The following PTPRQ variants were observed in gnomAD, a reference collection of about 807,000 sequenced individuals.
PTPRQ encodes the protein phosphatidylinositol phosphatase PTPRQ.
A neutral mutation model predicts 246.0 loss-of-function variants in PTPRQ; 199 were observed. The ratio of observed to expected loss-of-function variants is 0.81; its 90% CI spans 0.72 to 0.91. PTPRQ has a LOEUF of 0.91. PTPRQ is among the 40% of genes least tolerant of loss of function. The probability of loss-of-function intolerance (pLI) is 0.00; values close to 1 mark genes in which losing one functional copy is unlikely to be tolerated. For synonymous variants in PTPRQ, 869 were observed against 853.2 expected, an observed-to-expected ratio of 1.02 and a Z score of -0.32; for missense variants, 2,624 against 2,528.4, an observed-to-expected ratio of 1.04 and a Z score of -0.81.
chr12:80,537,410 T>A (rs1292075134), intron 19 of PTPRQ, among the ~76,000 whole-genome samples: 2 of 152,176 alleles, frequency 1.3e-5, no homozygotes, highest in Non-Finnish European at 2.9e-5. Flanking sequence ...CTATTACCGA[T>A]AACTGTTGCT....
chr12:80,647,493 C>T (rs1265334188), intron 35 of PTPRQ, among the ~76,000 whole-genome samples: 1 of 152,056 alleles, frequency 6.6e-6, no homozygotes, highest in Non-Finnish European at 1.5e-5. Context: ...TGGATGTAGC[C>T]TGTAGTTTAT....
chr12:80,474,240 A>G (rs1445586726), intron 8 of PTPRQ, among the ~76,000 whole-genome samples: 1 of 152,254 alleles, frequency 6.6e-6, no homozygotes, highest in African/African-American at 2.4e-5. Flanking sequence ...CTTTTCATTA[A>G]TACAACAGGG....
intron 8 of PTPRQ, among the ~76,000 whole-genome samples, chr12:80,479,639 G>C (rs11519744): frequency 7.7e-6 from 1 of 129,248 alleles, no homozygotes; most frequent in African/African-American, 3.0e-5. Flanking sequence ...CCCATCTCAC[G>C]TGCAGAGACA....
chr12:80,669,920 T>C (rs1283013418), intron 41 of PTPRQ, among the ~76,000 whole-genome samples: 2 of 152,056 alleles, frequency 1.3e-5, no homozygotes, highest in Admixed American at 1.3e-4. Flanking sequence ...CTTTATGGGA[T>C]CTCAGTTTAT....
intron 28 of PTPRQ, among the ~76,000 whole-genome samples, chr12:80,610,964 C>G (rs1203484060): frequency 6.7e-6 from 1 of 150,318 alleles, no homozygotes; most frequent in Non-Finnish European, 1.5e-5. Context: ...TCCAATAACA[C>G]TTCAACTAAA....
rs192815793 is a variant in PTPRQ at position 80,551,154 on chromosome 12, T to C, written c.4285+1420T>C. 2.2e-3 allele frequency among the ~76,000 whole-genome samples: 338 copies of C among 152,262 alleles called. 4 individuals carry two copies. Among genetic ancestry groups the C allele is most frequent in the African/African-American group, 7.9e-3 (329 of 41,584 alleles). Reference sequence around the variant, plus strand: ...ACCCAAATTGTTGAAAAATCCCAACTGAAGACCTAGTTGGAGTATCAACTC... The same window carrying C: ...ACCCAAATTGTTGAAAAATCCCAACCGAAGACCTAGTTGGAGTATCAACTC... On this transcript the variant is annotated intron_variant, in intron 25 of 44. Transcript: ENST00000644991.
In PTPRQ at chr12:80,496,018, A is replaced by G; in HGVS notation, c.1902A>G (p.Lys634=). The change falls in exon 13 of 45, where the codon AAA becomes AAG. Residue 634 remains lysine (K), a synonymous_variant. Coordinates refer to ENST00000644991, the MANE Select transcript of PTPRQ (RefSeq NM_001145026.2). ...TTATAGGGTTAAAGAAATACACAAA[A>G]TACAAAATGAGAGTGGCAGCCTCAA... ...FLITGLKKYT[K]YKMRVAASTH... 1 of 1,550,088 alleles carries G rather than the reference A, an allele frequency of 6.5e-7. No homozygotes were observed. Among genetic ancestry groups the G allele is most frequent in the Non-Finnish European group, 8.7e-7 (1 of 1,146,150 alleles).
At chr12:80,603,011 C>G (rs1898194059) in intron 26 of PTPRQ, among the ~76,000 whole-genome samples, 1 of 151,710 alleles carries the variant, frequency 6.6e-6, no homozygotes, top group African/African-American at 2.4e-5. Flanking sequence ...AATTTGTCAT[C>G]TCCTACCATA....
At chr12:80,618,486 T>C (rs1374725553) in intron 30 of PTPRQ, among the ~76,000 whole-genome samples, 1 of 151,390 alleles carries the variant, frequency 6.6e-6, no homozygotes, top group African/African-American at 2.4e-5. Flanking sequence ...TGACAAATTA[T>C]GAATTATCAT....
At chr12:80,574,814 C>T (rs1044446276) in intron 25 of PTPRQ, among the ~76,000 whole-genome samples, 4 of 152,062 alleles carry the variant, frequency 2.6e-5, no homozygotes, top group Admixed American at 1.3e-4. Flanking sequence ...CATGCACACT[C>T]GGTTTTTCAG....
At chr12:80,447,744 C>T (rs1892597934) in intron 3 of PTPRQ, among the ~76,000 whole-genome samples, 1 of 150,484 alleles carries the variant, frequency 6.6e-6, no homozygotes, top group African/African-American at 2.5e-5. Flanking sequence ...TTTCTATTCT[C>T]TTCCATTAAA....
chr12:80,622,543 T>C (rs189349861), intron 33 of PTPRQ, among the ~76,000 whole-genome samples: 164 of 152,180 alleles, frequency 1.1e-3, no homozygotes, highest in Non-Finnish European at 1.9e-3. Flanking sequence ...CAGCCCGTAA[T>C]GTCAGTGGTC....
At chr12:80,492,163 A>G (rs1406242505) in intron 9 of PTPRQ, among the ~76,000 whole-genome samples, 1 of 151,916 alleles carries the variant, frequency 6.6e-6, no homozygotes, top group Non-Finnish European at 1.5e-5. Flanking sequence ...TGGATTCAGT[A>G]ATCATCAATA....
At chr12:80,613,910 C>T in intron 29 of PTPRQ, 74 bp downstream of exon 29, 1 of 1,411,686 alleles carries the variant, frequency 7.1e-7, no homozygotes, top group African/African-American at 1.5e-5. Flanking sequence ...AAAAATATTG[C>T]AGTTTGTGTA....
chr12:80,639,225 C>G (rs949158149), intron 35 of PTPRQ, among the ~76,000 whole-genome samples: 6 of 152,178 alleles, frequency 3.9e-5, no homozygotes, highest in African/African-American at 1.4e-4. Context: ...TTTTCGTAAG[C>G]TAAAAATGCT....
At chr12:80,477,590 G>A (rs529061388) in intron 8 of PTPRQ, among the ~76,000 whole-genome samples, 6 of 152,274 alleles carry the variant, frequency 3.9e-5, no homozygotes, top group South Asian at 4.1e-4. Flanking sequence ...CGCAGAAGAC[G>A]GGTGATTTCT....
intron 28 of PTPRQ, among the ~76,000 whole-genome samples, chr12:80,611,848 T>C (rs1316929239): frequency 6.6e-6 from 1 of 150,512 alleles, no homozygotes; most frequent in Non-Finnish European, 1.5e-5. Context: ...AAACGTGTAG[T>C]AACAAATGCA....
intron 25 of PTPRQ, among the ~76,000 whole-genome samples, chr12:80,569,280 A>G (rs1460069034): frequency 1.1e-4 from 16 of 150,664 alleles, no homozygotes. Flanking sequence ...GTCCCTACAA[A>G]GGACGTGAAC....
At chr12:80,506,728 C>A in intron 16 of PTPRQ, 58 bp downstream of exon 16, 3 of 1,439,082 alleles carry the variant, frequency 2.1e-6, no homozygotes, top group East Asian at 5.1e-5. Flanking sequence ...AAGAAACACA[C>A]GTATAGAATG....
Sources: allele counts gnomAD v4.1 joint callset (sites outside exome capture counted in the v4.1 genomes callset), GRCh38; gene constraint gnomAD v4.1.1; transcripts MANE v1.5; gene names NCBI Gene and HGNC (gene_info 2026-07-23, HGNC 2026-07-21).